Variants in CEACAM3 observed in about 807,000 individuals in gnomAD.
CEACAM3 encodes the protein cell adhesion molecule CEACAM3.
A neutral mutation model predicts 30.1 loss-of-function variants in CEACAM3; 32 were observed. The ratio of observed to expected loss-of-function variants is 1.06; its 90% CI spans 0.80 to 1.43. CEACAM3 has a LOEUF of 1.43. Ranked by LOEUF, CEACAM3 falls within the 40% of genes most tolerant of loss-of-function variation. The pLI, the probability that CEACAM3 is intolerant of heterozygous loss-of-function variation, is 0.00. For synonymous variants in CEACAM3, 134 were observed against 127.2 expected (o/e 1.05, Z -0.36); for missense variants, 290 against 316.3 (o/e 0.92, Z 0.63).
At chr19:41,802,021 G>A (rs1011974117) in intron 2 of CEACAM3, among the ~76,000 whole-genome samples, 4 of 152,150 alleles carry the variant, frequency 2.6e-5, no homozygotes, top group Admixed American at 2.0e-4. Context: ...GGTTAGCCTG[G>A]CTTGTGCCCA....
At chr19:41,800,337 G>A (rs914479133) in intron 2 of CEACAM3, among the ~76,000 whole-genome samples, 10 of 152,170 alleles carry the variant, frequency 6.6e-5, no homozygotes, top group African/African-American at 1.7e-4. Context: ...GAAGACGCCC[G>A]TTGCCAGGCA....
chr19:41,810,811 A>G (rs1423698089), intron 5 of CEACAM3, 21 bp from the exon 6 acceptor site: 2 of 1,602,872 alleles, frequency 1.2e-6, no homozygotes, highest in African/African-American at 1.3e-5. Context: ...GGCCTCCATG[A>G]CCCTCCCTCC....
chr19:41,810,146 A>G (rs1445016900), intron 4 of CEACAM3, 129 bp downstream of exon 4: 23 of 1,291,174 alleles, frequency 1.8e-5, no homozygotes, highest in Non-Finnish European at 2.2e-5. Flanking sequence ...CTCATAAAAC[A>G]TCACACAGGG....
In CEACAM3 at chr19:41,800,458, C is replaced by T. The variant is rs1205398340; in HGVS notation, c.424+2510C>T. 2.6e-5 allele frequency among the ~76,000 whole-genome samples: 4 copies of T among 152,238 alleles called. No homozygotes were observed. The East Asian group carries it at 7.7e-4, about 29-fold the overall frequency. The stretch of plus-strand genomic sequence containing the variant: ...AGAGTTTAGAGAAGACTTTGCTCCT[C>T]CACCTCTTGTGGAGGGCCAGACACC... On this transcript the variant is annotated intron_variant, in intron 2 of 6. Coordinates refer to ENST00000357396, the MANE Select transcript of CEACAM3 (RefSeq NM_001815.5).
Position 41,796,713 on chromosome 19 carries a change from C to T in CEACAM3, c.36C>T (p.Cys12=). 6.2e-7 allele frequency: 1 copy of T among 1,613,698 alleles called. No homozygotes were observed. Among genetic ancestry groups the T allele is most frequent in the South Asian group, 1.1e-5 (1 of 91,048 alleles). The change falls in exon 1 of 7, where the codon TGC becomes TGT. Residue 12 remains cysteine (C), a synonymous_variant. Transcript: ENST00000357396. ...GPPSASPHRE[C]IPWQGLLLTA... is the part of the protein sequence containing the mutation. The stretch of plus-strand genomic sequence containing the variant: ...CCTCAGCCTCTCCCCACAGAGAATG[C>T]ATCCCCTGGCAGGGGCTTCTGCTCA...
At chr19:41,799,546 C>A (rs1167130186) in intron 2 of CEACAM3, among the ~76,000 whole-genome samples, 1 of 152,204 alleles carries the variant, frequency 6.6e-6, no homozygotes, top group Non-Finnish European at 1.5e-5. Context: ...ATTAGCCTAA[C>A]CTAGAACTAA....
In CEACAM3 at chr19:41,805,022, A is replaced by G. The variant is rs530194011; in HGVS notation, c.425-3791A>G. ...GTTCAAAGGAAATGCTCACTGGAGCATTTTGAAATTTTAGATTTTCAGATT... is the reference window on the plus strand; with the variant it reads ...GTTCAAAGGAAATGCTCACTGGAGCGTTTTGAAATTTTAGATTTTCAGATT... On this transcript the variant is annotated intron_variant, in intron 2 of 6. Coordinates refer to ENST00000357396, the MANE Select transcript of CEACAM3 (RefSeq NM_001815.5). Among the ~76,000 whole-genome samples, 3 of 152,294 alleles carry G rather than the reference A, an allele frequency of 2.0e-5. 1 individual carries two copies. The highest frequency in any genetic ancestry group is 7.2e-5 in the African/African-American group (3 of 41,584).
rs543856370 is a variant in CEACAM3, at chr19:41,798,455, G to C, written c.424+507G>C. On this transcript the variant is annotated intron_variant, in intron 2 of 6. Transcript: ENST00000357396. ...GCTGACTGGGAGCAAGAATTTACCA[G>C]CTGTCTGAGGGTCGTGGCTCCTGGA... Among the ~76,000 whole-genome samples the C allele has an allele frequency of 9.8e-4, 149 of 152,302 alleles. 2 individuals are homozygous for C. The highest frequency in any genetic ancestry group is 3.4e-3 in the African/African-American group (142 of 41,566).
At chr19:41,810,384 A>G (rs1555827445) in intron 5 of CEACAM3, 30 bp downstream of exon 5, 3 of 1,586,050 alleles carry the variant, frequency 1.9e-6, no homozygotes, top group Admixed American at 3.6e-5. Flanking sequence ...GCCCCTTTCT[A>G]CTGGGGTCCC....
chr19:41,810,796 G>A (rs1555827499), intron 5 of CEACAM3, 36 bp from the exon 6 acceptor site: 1 of 1,566,060 alleles, frequency 6.4e-7, no homozygotes. Flanking sequence ...GAAACTTCCA[G>A]GCTGGGCCTC....
At chr19:41,803,656 C>T (rs532897962) in intron 2 of CEACAM3, among the ~76,000 whole-genome samples, 28 of 131,400 alleles carry the variant, frequency 2.1e-4, no homozygotes, top group Non-Finnish European at 4.7e-4. Flanking sequence ...TTAGTAGAGA[C>T]GGAGTTTCAC....
rs1555827157 is a variant in CEACAM3, at chr19:41,808,801, T to C, written c.425-12T>C. The stretch of plus-strand genomic sequence containing the variant: ...TTGGGCCTCTATCCCCTTTGCCTTC[T>C]TCTTTCTGCAGAAGAAAATGCCCCA... On this transcript the variant is annotated splice_polypyrimidine_tract_variant and intron_variant, in intron 2 of 6. Transcript: ENST00000357396. The C allele has an allele frequency of 6.2e-7, 1 of 1,611,146 alleles. No individual in the cohort carries two copies. The highest frequency in any genetic ancestry group is 1.7e-5 in the Admixed American group (1 of 59,884).
chr19:41,810,422 C>T (rs1403378392), intron 5 of CEACAM3, 68 bp downstream of exon 5: 1 of 1,498,118 alleles, frequency 6.7e-7, no homozygotes, highest in African/African-American at 1.4e-5. Flanking sequence ...GCAGAGGGAC[C>T]ATCAGCCCCC....
intron 2 of CEACAM3, among the ~76,000 whole-genome samples, chr19:41,806,133 T>C (rs1440195298): frequency 3.9e-5 from 6 of 152,106 alleles, no homozygotes; most frequent in Admixed American, 3.9e-4. Context: ...GTTCAAGTGA[T>C]TCTCCTTCCT....
At chr19:41,802,718 TTG>T (rs1406161353) in intron 2 of CEACAM3, among the ~76,000 whole-genome samples, 2 of 152,282 alleles carry the variant, frequency 1.3e-5, no homozygotes, top group African/African-American at 2.4e-5. Flanking sequence ...AAGGAATTAT[TTG>T]GAAAGATCTC....
In CEACAM3 at chr19:41,808,913, C is replaced by A; in HGVS notation, c.525C>A (p.Leu175=). 6.3e-7 allele frequency: 1 copy of A among 1,592,400 alleles called. No homozygotes were observed. Residue 175 remains leucine (L), a synonymous_variant, in exon 3 of 7, where the codon CTC becomes CTA. Transcript: ENST00000357396. ...TGGCCGCGCTGGTGTGTTTCCTGCT[C>A]CTTGCCAAAACTGGAAGGTACCACA... The part of the protein sequence containing the change: ...ALVAALVCFL[L]LAKTGRTSIQ...
intron 2 of CEACAM3, among the ~76,000 whole-genome samples, chr19:41,804,607 C>G (rs534449882): frequency 3.9e-5 from 6 of 152,294 alleles, no homozygotes; most frequent in Non-Finnish European, 7.3e-5. Flanking sequence ...CCAGTTCTGT[C>G]TTCCTAACAG....
intron 5 of CEACAM3, 52 bp from the exon 6 acceptor site, chr19:41,810,780 A>G (rs1458714624): frequency 6.8e-7 from 1 of 1,460,460 alleles, no homozygotes; most frequent in Non-Finnish European, 9.6e-7. Flanking sequence ...GGCCAATCAG[A>G]GACAGGAAAC....
At chr19:41,805,993 CTGTTGT>C (rs1555826674) in intron 2 of CEACAM3, among the ~76,000 whole-genome samples, 1,478 of 143,900 alleles carry the variant, frequency 0.01, 19 homozygotes, top group Middle Eastern at 0.035. Context: ...TCTACTCTTC[CTGTTGT>C]TGTTGTTTGT....
Sources: allele counts gnomAD v4.1 joint callset (sites outside exome capture counted in the v4.1 genomes callset), GRCh38; gene constraint gnomAD v4.1.1; transcripts MANE v1.5; gene names NCBI Gene and HGNC (gene_info 2026-07-23, HGNC 2026-07-21).